Variants in MYO5B observed in about 807,000 individuals in gnomAD.
The protein encoded by MYO5B is myosin VB.
A neutral mutation model predicts 229.3 loss-of-function variants in MYO5B; 143 were observed. The observed-to-expected ratio is 0.62, with a 90% confidence interval of 0.54 to 0.72. The LOEUF (loss-of-function observed/expected upper bound fraction) is 0.72, where lower values mean the gene tolerates loss of function less well. Ranked by LOEUF, MYO5B falls within the 30% of genes least tolerant of loss-of-function variation. MYO5B has a pLI of 0.00. For missense variants in MYO5B, 2,321 were observed against 2,331.0 expected, an observed-to-expected ratio of 1.00 and a Z score of 0.09; for synonymous variants, 918 against 885.2, an observed-to-expected ratio of 1.04 and a Z score of -0.66.
intron 27 of MYO5B, among the ~76,000 whole-genome samples, chr18:49,868,857 C>T (rs2024426642): frequency 6.6e-6 from 1 of 152,234 alleles, no homozygotes; most frequent in Admixed American, 6.5e-5. Context: ...GCACCTAAGC[C>T]TTGTGCAGGG....
At chr18:49,979,634 T>C (rs2025793061) in intron 9 of MYO5B, among the ~76,000 whole-genome samples, 1 of 152,228 alleles carries the variant, frequency 6.6e-6, no homozygotes, top group African/African-American at 2.4e-5. Flanking sequence ...CTTTTGTATT[T>C]TTCCAGTGTC....
At chr18:50,091,554 T>A (rs1011801149) in intron 1 of MYO5B, among the ~76,000 whole-genome samples, 1 of 152,186 alleles carries the variant, frequency 6.6e-6, no homozygotes, top group African/African-American at 2.4e-5. Flanking sequence ...AACGGATGTA[T>A]GTACAACAAA....
rs542529551 is a variant in MYO5B at position 49,854,979 on chromosome 18, C to T, written c.4023-1332G>A. On this transcript the variant is annotated intron_variant, in intron 30 of 39. Coordinates refer to ENST00000285039, the MANE Select transcript of MYO5B (RefSeq NM_001080467.3). ...TGAAGAAGTGATTGAGAAAATCACT[C>T]ATTCACTACAGGCGATATTACCTAT... Among the ~76,000 whole-genome samples the T allele has an allele frequency of 1.2e-3, 182 of 152,254 alleles. 1 individual carries two copies. The highest frequency in any genetic ancestry group is 4.2e-3 in the African/African-American group (176 of 41,538).
intron 1 of MYO5B, among the ~76,000 whole-genome samples, chr18:50,069,028 A>C (rs1184271044): frequency 2.0e-5 from 3 of 152,162 alleles, no homozygotes; most frequent in African/African-American, 7.2e-5. Context: ...TTTCAGAATA[A>C]GTAGGTTCTA....
intron 1 of MYO5B, among the ~76,000 whole-genome samples, chr18:50,079,327 T>C (rs993659509): frequency 2.0e-5 from 3 of 152,254 alleles, no homozygotes; most frequent in Admixed American, 1.3e-4. Context: ...ATAACTCATA[T>C]TCTAGGAAAA....
intron 29 of MYO5B, among the ~76,000 whole-genome samples, chr18:49,860,068 G>A (rs2024310683): frequency 6.6e-6 from 1 of 152,160 alleles, no homozygotes; most frequent in Admixed American, 6.5e-5. Flanking sequence ...TGTCTTGCCG[G>A]GGACCTGCTG....
Position 49,843,294 on chromosome 18 carries a change from T to C in MYO5B, c.4558A>G (p.Lys1520Glu), listed in dbSNP as rs765506377. The C allele has an allele frequency of 6.2e-7, 1 of 1,614,130 alleles. No homozygotes were observed. The highest frequency in any genetic ancestry group is 8.5e-7 in the Non-Finnish European group (1 of 1,180,012). The change falls in exon 34 of 40, where the codon AAG becomes GAG. Residue 1520 changes from lysine (K) to glutamate (E), a missense_variant. Lys to Glu is a moderately conservative substitution (Grantham distance 56). This residue lies in a region of MYO5B where 2,113 missense variants were observed against 2,044.7 expected (regional missense o/e 1.03). Transcript: ENST00000285039. The part of the protein sequence containing the change: ...RHADYTNDDL[K>E]VHSLLTSTIN... ...GTGGAGGTCAGCAGGGAGTGCACCT[T>C]GAGATCGTCGTTGGTGTAGTCCGCG...
At chr18:49,849,747 C>A in intron 31 of MYO5B, 87 bp from the exon 32 acceptor site, 2 of 1,011,024 alleles carry the variant, frequency 2.0e-6, no homozygotes, top group Admixed American at 3.4e-5. Context: ...TGGAGGTGAC[C>A]AGTGCGGCCC....
intron 1 of MYO5B, among the ~76,000 whole-genome samples, chr18:50,144,016 G>A (rs2032460720): frequency 6.6e-6 from 1 of 152,198 alleles, no homozygotes; most frequent in South Asian, 2.1e-4. Context: ...GAGGAAGCTG[G>A]TGAGGCAAGC....
chr18:49,919,744 T>A (rs1014169638), intron 17 of MYO5B, among the ~76,000 whole-genome samples: 4 of 152,204 alleles, frequency 2.6e-5, no homozygotes, highest in Admixed American at 6.5e-5. Flanking sequence ...ATGGTACAGC[T>A]ACTGTGGAAA....
intron 4 of MYO5B, among the ~76,000 whole-genome samples, chr18:50,029,122 C>A (rs1371921732): frequency 6.6e-6 from 1 of 152,182 alleles, no homozygotes; most frequent in African/African-American, 2.4e-5. Context: ...AACAATAAAA[C>A]TAGCAATTTG....
Position 49,937,301 on chromosome 18 carries a change from C to A in MYO5B, c.1849G>T (p.Ala617Ser). The change falls in exon 15 of 40, where the codon GCC (alanine) becomes TCC (serine). Residue 617 changes from alanine (A) to serine (S), a missense_variant. By Grantham distance (99) the Ala-to-Ser change is moderately conservative (BLOSUM62 1). Around this residue, in one of 2 missense-constraint regions of MYO5B, gnomAD observed 2,113 missense variants for 2,044.7 expected, o/e 1.03. Coordinates refer to ENST00000285039, the MANE Select transcript of MYO5B (RefSeq NM_001080467.3). ...GSSSKISVRS[A>S]RPPMKVSNKE... ...TTGGAGACTTTCATGGGGGGTCTGG[C>A]AGAACGGACGCTGATCTTCGAAGAT... is the stretch of plus-strand genomic sequence containing the variant. 6.2e-7 allele frequency: 1 copy of A among 1,614,158 alleles called. No homozygotes were observed. Among genetic ancestry groups the A allele is most frequent in the Non-Finnish European group, 8.5e-7 (1 of 1,180,026 alleles).
At chr18:49,953,593 A>C (rs2025452656) in intron 13 of MYO5B, among the ~76,000 whole-genome samples, 1 of 152,204 alleles carries the variant, frequency 6.6e-6, no homozygotes, top group Non-Finnish European at 1.5e-5. Context: ...AGGGATCTAT[A>C]AATGCAGCTT....
intron 20 of MYO5B, 31 bp from the exon 21 acceptor site, chr18:49,902,864 G>C (rs201625871): frequency 2.5e-6 from 4 of 1,596,370 alleles, no homozygotes; most frequent in Non-Finnish European, 3.4e-6. Flanking sequence ...ACATCTTGTG[G>C]GTTTGCACTG....
intron 1 of MYO5B, among the ~76,000 whole-genome samples, chr18:50,114,691 G>C (rs976786594): frequency 4.6e-5 from 7 of 152,200 alleles, no homozygotes; most frequent in African/African-American, 7.2e-5. Context: ...CCAGAAATAA[G>C]AGTTCATCCT....
At chr18:49,845,545 G>A (rs905415890) in intron 33 of MYO5B, among the ~76,000 whole-genome samples, 1 of 152,214 alleles carries the variant, frequency 6.6e-6, no homozygotes, top group East Asian at 1.9e-4. Context: ...ATTTGAGAAG[G>A]GTTTTGCAGT....
intron 38 of MYO5B, among the ~76,000 whole-genome samples, 171 bp from the exon 39 acceptor site, chr18:49,835,595 T>C (rs1490519103): frequency 6.6e-6 from 1 of 152,204 alleles, no homozygotes; most frequent in Non-Finnish European, 1.5e-5. Context: ...TCCAGGAAAC[T>C]AGAGCCCACA....
intron 6 of MYO5B, among the ~76,000 whole-genome samples, chr18:49,991,273 T>G (rs74742380): frequency 0.075 from 11,386 of 152,170 alleles, 921 homozygotes; most frequent in African/African-American, 0.2. Context: ...ATGTTTGCTA[T>G]CATCAGCATG....
Position 50,037,094 on chromosome 18 carries a change from G to C in MYO5B, c.311-100C>G. 3 of 1,306,010 alleles carry C rather than the reference G, an allele frequency of 2.3e-6. No individual in the cohort carries two copies. The South Asian group carries it at 3.7e-5, about 16-fold the overall frequency. The allele number at this position is 1,306,010 out of a possible 1,614,324, so 80.9% of individuals were successfully genotyped here. A position where few individuals can be genotyped will look rare whatever the true frequency, so the allele number is the denominator to read the frequency against. On this transcript the variant is annotated intron_variant, in intron 3 of 39. Transcript: ENST00000285039. The stretch of plus-strand genomic sequence containing the variant: ...ATTCATACACATGCCAAAAACCAAA[G>C]AATGAGAGGGCAGCAGAACCAGTCT...
Sources: allele counts gnomAD v4.1 joint callset (sites outside exome capture counted in the v4.1 genomes callset), GRCh38; gene constraint gnomAD v4.1.1; regional missense constraint gnomAD v4.1.1; transcripts MANE v1.5; gene names NCBI Gene and HGNC (gene_info 2026-07-23, HGNC 2026-07-21).